The following UVRAG variants were observed in gnomAD, a reference collection of about 807,000 sequenced individuals.
UVRAG encodes UV radiation resistance associated.
UVRAG carries 19 observed loss-of-function variants against 78.0 expected under a neutral mutation model. The ratio of observed to expected loss-of-function variants is 0.24; its 90% CI spans 0.17 to 0.36. The LOEUF (loss-of-function observed/expected upper bound fraction) is 0.36, where lower values mean the gene tolerates loss of function less well. UVRAG is among the 10% of genes least tolerant of loss of function. UVRAG has a pLI of 1.00. For synonymous variants in UVRAG, 323 were observed against 324.6 expected, an observed-to-expected ratio of 1.00 and a Z score of 0.05; for missense variants, 740 against 853.8, an observed-to-expected ratio of 0.87 and a Z score of 1.66.
intron 6 of UVRAG, among the ~76,000 whole-genome samples, chr11:75,954,099 C>A (rs1948751767): frequency 6.6e-6 from 1 of 152,072 alleles, no homozygotes; most frequent in African/African-American, 2.4e-5. Context: ...AGTCTAAATA[C>A]TTCAAACTTT....
At chr11:75,846,263 G>C (rs1163126163) in intron 1 of UVRAG, among the ~76,000 whole-genome samples, 1 of 152,122 alleles carries the variant, frequency 6.6e-6, no homozygotes, top group Non-Finnish European at 1.5e-5. Flanking sequence ...CCGCGTTTCA[G>C]TCATTAGACA....
chr11:75,954,553 A>G (rs1948758885), intron 6 of UVRAG, among the ~76,000 whole-genome samples: 1 of 152,184 alleles, frequency 6.6e-6, no homozygotes, highest in Non-Finnish European at 1.5e-5. Context: ...TGAAGTTACA[A>G]ATCTAGGAAA....
intron 12 of UVRAG, among the ~76,000 whole-genome samples, chr11:76,050,964 C>T (rs1338099342): frequency 6.6e-6 from 1 of 152,134 alleles, no homozygotes; most frequent in East Asian, 1.9e-4. Flanking sequence ...CCTTTCTCCT[C>T]TTCTCATCTC....
intron 11 of UVRAG, among the ~76,000 whole-genome samples, chr11:76,011,345 C>T (rs754376064): frequency 5.3e-5 from 8 of 152,146 alleles, no homozygotes; most frequent in Non-Finnish European, 1.0e-4. Context: ...TTACATTGGC[C>T]GGGTGCGGTG....
intron 6 of UVRAG, among the ~76,000 whole-genome samples, chr11:75,920,223 C>T (rs1306778271): frequency 6.6e-6 from 1 of 151,134 alleles, no homozygotes; most frequent in Non-Finnish European, 1.5e-5. Flanking sequence ...GACGGGGTTT[C>T]ACCATGTTAG....
At chr11:76,014,760 C>G (rs1950117542) in intron 11 of UVRAG, among the ~76,000 whole-genome samples, 1 of 152,158 alleles carries the variant, frequency 6.6e-6, no homozygotes, top group Non-Finnish European at 1.5e-5. Context: ...TTGGTAGCAT[C>G]AGAGTCAGTG....
chr11:76,082,166 G>C (rs1024248579), intron 13 of UVRAG, among the ~76,000 whole-genome samples: 4 of 152,092 alleles, frequency 2.6e-5, no homozygotes, highest in African/African-American at 9.7e-5. Flanking sequence ...ACAGGGGTTT[G>C]CTTTATAATC....
intron 13 of UVRAG, among the ~76,000 whole-genome samples, chr11:76,111,598 T>G (rs1952067758): frequency 6.6e-6 from 1 of 151,902 alleles, no homozygotes; most frequent in Non-Finnish European, 1.5e-5. Flanking sequence ...CAACACAGAG[T>G]TCCCCAACTG....
chr11:76,058,069 T>TC (rs749209008), intron 12 of UVRAG, among the ~76,000 whole-genome samples: 11 of 152,102 alleles, frequency 7.2e-5, no homozygotes, highest in Non-Finnish European at 1.6e-4. Flanking sequence ...TAGTAGGTCA[T>TC]CCCACCAGTT....
At chr11:76,007,716 T>C in intron 10 of UVRAG, 95 bp downstream of exon 10, 2 of 906,836 alleles carry the variant, frequency 2.2e-6, no homozygotes, top group Non-Finnish European at 1.8e-6. Flanking sequence ...GCTTTAGGCT[T>C]AATCATATGC....
At chr11:75,841,872 T>A (rs1042164974) in intron 1 of UVRAG, among the ~76,000 whole-genome samples, 1 of 152,182 alleles carries the variant, frequency 6.6e-6, no homozygotes, top group African/African-American at 2.4e-5. Flanking sequence ...CCTGAGTGGC[T>A]TAAAATAACA....
At chr11:75,828,805 A>ATATATATATATATTTT (rs1478310271) in intron 1 of UVRAG, among the ~76,000 whole-genome samples, 1 of 100,276 alleles carries the variant, frequency 1.0e-5, no homozygotes, top group East Asian at 2.9e-4. Flanking sequence ...ATATATATAT[A>ATATATATATATATTTT]TTTTTTTTTT....
chr11:76,005,589 A>G (rs966558074), intron 9 of UVRAG, among the ~76,000 whole-genome samples: 1 of 152,206 alleles, frequency 6.6e-6, no homozygotes, highest in Admixed American at 6.5e-5. Flanking sequence ...CCCTCACTGT[A>G]TGTCTTAGAA....
chr11:75,916,250 C>CT (rs1214821991), intron 6 of UVRAG: 1 of 152,166 alleles, frequency 6.6e-6, no homozygotes, highest in Admixed American at 6.5e-5. Context: ...GGATGCAAGA[C>CT]TTTGAGCAAG....
chr11:75,900,992 C>T (rs532053469), intron 5 of UVRAG, among the ~76,000 whole-genome samples: 14 of 152,308 alleles, frequency 9.2e-5, no homozygotes, highest in African/African-American at 3.4e-4. Context: ...CTCACCTTTC[C>T]TCCTTAACTA....
At chr11:75,920,008 G>GTTTTTTGTTTTTTTT (rs1947941022) in intron 6 of UVRAG, among the ~76,000 whole-genome samples, 1 of 55,462 alleles carries the variant, frequency 1.8e-5, no homozygotes, top group African/African-American at 5.8e-5. Context: ...AATAATTTTG[G>GTTTTTTGTTTTTTTT]TTTTTTTTTT....
At chr11:76,002,733 A>G (rs1334223008) in intron 8 of UVRAG, among the ~76,000 whole-genome samples, 1 of 152,182 alleles carries the variant, frequency 6.6e-6, no homozygotes. Context: ...CAGAGTTCCC[A>G]ACTTACTGGT....
At chr11:75,886,999 T>C (rs1420029872) in intron 4 of UVRAG, among the ~76,000 whole-genome samples, 1 of 151,532 alleles carries the variant, frequency 6.6e-6, no homozygotes, top group East Asian at 1.9e-4. Flanking sequence ...GGAGTCTCGC[T>C]CTGTCGCCCA....
At chr11:75,894,216 GAA>G (rs1191642990) in intron 5 of UVRAG, among the ~76,000 whole-genome samples, 1 of 152,160 alleles carries the variant, frequency 6.6e-6, no homozygotes, top group Non-Finnish European at 1.5e-5. Context: ...GCTTGTCTAG[GAA>G]CTGTCTGTCA....
Sources: allele counts gnomAD v4.1 joint callset (sites outside exome capture counted in the v4.1 genomes callset), GRCh38; gene constraint gnomAD v4.1.1; transcripts MANE v1.5; gene names NCBI Gene and HGNC (gene_info 2026-07-23, HGNC 2026-07-21).